Variants in RPS6KC1 observed in about 807,000 individuals in gnomAD.
The protein encoded by RPS6KC1 is ribosomal protein S6 kinase C1, also known as inactive ribosomal protein S6 kinase delta-1.
RPS6KC1 carries 54 observed loss-of-function variants against 103.8 expected under a neutral mutation model. The observed-to-expected ratio is 0.52, with a 90% confidence interval of 0.42 to 0.65. The LOEUF (loss-of-function observed/expected upper bound fraction) is 0.65, where lower values mean the gene tolerates loss of function less well. Among genes scored for constraint, RPS6KC1 ranks in the 30% least tolerant of loss-of-function variants. The pLI is 0.00. For synonymous variants in RPS6KC1, 439 were observed against 438.7 expected (o/e 1.00, Z -0.01); for missense variants, 1,151 against 1,253.8 (o/e 0.92, Z 1.24).
At chr1:213,162,414 G>T (rs2090564103) in intron 6 of RPS6KC1, among the ~76,000 whole-genome samples, 1 of 151,948 alleles carries the variant, frequency 6.6e-6, no homozygotes, top group Non-Finnish European at 1.5e-5. Context: ...CCCAGTAGCT[G>T]GGACTACAGG....
the RPS6KC1 span, among the ~76,000 whole-genome samples, chr1:213,732,998 G>A: frequency 3.3e-5 from 5 of 152,154 alleles, no homozygotes; most frequent in Middle Eastern, 3.4e-3. Context: ...AGGCTAAATA[G>A]TATTCTATTG....
the RPS6KC1 span, among the ~76,000 whole-genome samples, chr1:213,600,622 C>T: frequency 7.8e-4 from 119 of 152,288 alleles, 1 homozygote; most frequent in Middle Eastern, 3.4e-3. Context: ...GGGAGCAAAG[C>T]TGGAGCTCTC....
At chr1:213,093,672 C>G (rs1643359803) in intron 3 of RPS6KC1, among the ~76,000 whole-genome samples, 1 of 152,124 alleles carries the variant, frequency 6.6e-6, no homozygotes, top group Non-Finnish European at 1.5e-5. Flanking sequence ...AGACCCGTAT[C>G]TTCTGTTAAC....
At chr1:213,862,035 G>C in the RPS6KC1 span, among the ~76,000 whole-genome samples, 5 of 152,012 alleles carry the variant, frequency 3.3e-5, no homozygotes, top group African/African-American at 9.7e-5. Flanking sequence ...GCTAGAAAGC[G>C]GGGGGCAGGT....
chr1:213,248,101 CAT>C (rs2094484032), intron 12 of RPS6KC1, among the ~76,000 whole-genome samples: 1 of 151,944 alleles, frequency 6.6e-6, no homozygotes, highest in African/African-American at 2.4e-5. Context: ...TTTCAGCAAA[CAT>C]GAGAAATCTA....
chr1:213,133,971 C>T (rs1417705568), intron 6 of RPS6KC1, among the ~76,000 whole-genome samples: 1 of 151,932 alleles, frequency 6.6e-6, no homozygotes, highest in African/African-American at 2.4e-5. Context: ...TGTCATTTTT[C>T]CTTCTATCCA....
chr1:213,757,134 A>C, the RPS6KC1 span, among the ~76,000 whole-genome samples: 1 of 152,094 alleles, frequency 6.6e-6, no homozygotes, highest in South Asian at 2.1e-4. Flanking sequence ...TAGGCCAATT[A>C]ATTACTCCAC....
At chr1:213,414,477 A>T in the RPS6KC1 span, among the ~76,000 whole-genome samples, 1 of 152,204 alleles carries the variant, frequency 6.6e-6, no homozygotes, top group African/African-American at 2.4e-5. Context: ...TGATGTGAAG[A>T]AGGAGGCAGA....
chr1:213,457,798 T>A, the RPS6KC1 span, among the ~76,000 whole-genome samples: 1 of 152,182 alleles, frequency 6.6e-6, no homozygotes, highest in Non-Finnish European at 1.5e-5. Context: ...TGCAACAGAC[T>A]CTTGACATAC....
chr1:213,748,420 G>T, the RPS6KC1 span, among the ~76,000 whole-genome samples: 1 of 152,320 alleles, frequency 6.6e-6, no homozygotes, highest in African/African-American at 2.4e-5. Flanking sequence ...TACCTTGAAT[G>T]ATTTTGCATT....
the RPS6KC1 span, among the ~76,000 whole-genome samples, chr1:213,303,521 C>T: frequency 1.3e-5 from 2 of 151,976 alleles, no homozygotes; most frequent in Non-Finnish European, 2.9e-5. Context: ...TCTGGTGGTG[C>T]AGGAGCTGTT....
At chr1:213,182,952 GATAT>G (rs902704591) in intron 8 of RPS6KC1, among the ~76,000 whole-genome samples, 10 of 148,810 alleles carry the variant, frequency 6.7e-5, no homozygotes, top group African/African-American at 1.5e-4. Flanking sequence ...TATATATCAT[GATAT>G]ATATATATGT....
the RPS6KC1 span, among the ~76,000 whole-genome samples, chr1:213,493,196 C>T: frequency 6.6e-6 from 1 of 152,128 alleles, no homozygotes; most frequent in Non-Finnish European, 1.5e-5. Flanking sequence ...TGGCAGTTTG[C>T]ACTTAGTTAT....
the RPS6KC1 span, among the ~76,000 whole-genome samples, chr1:213,544,041 A>T: frequency 6.6e-6 from 1 of 152,212 alleles, no homozygotes; most frequent in African/African-American, 2.4e-5. Flanking sequence ...ACACTCAAAG[A>T]GAAGGGCAAG....
chr1:213,822,874 T>C, the RPS6KC1 span, among the ~76,000 whole-genome samples: 1 of 152,344 alleles, frequency 6.6e-6, no homozygotes, highest in African/African-American at 2.4e-5. Flanking sequence ...TTTCTGCTTC[T>C]GCCTCTACCC....
chr1:213,444,400 C>T, the RPS6KC1 span, among the ~76,000 whole-genome samples: 2 of 152,066 alleles, frequency 1.3e-5, no homozygotes, highest in African/African-American at 4.8e-5. Context: ...TAGAGCGGCC[C>T]CAGTTAAGCT....
chr1:213,606,950 C>A, the RPS6KC1 span, among the ~76,000 whole-genome samples: 2 of 152,188 alleles, frequency 1.3e-5, no homozygotes, highest in South Asian at 4.1e-4. Context: ...AGAGTATGAT[C>A]ATCTCCATTT....
chr1:213,242,417 G>A, intron 11 of RPS6KC1, 120 bp downstream of exon 11: 1 of 1,238,752 alleles, frequency 8.1e-7, no homozygotes, highest in Non-Finnish European at 1.2e-6. Context: ...TATCAGTGCA[G>A]CAAATTCACC....
chr1:213,619,056 G>A, the RPS6KC1 span, among the ~76,000 whole-genome samples: 2 of 152,314 alleles, frequency 1.3e-5, no homozygotes, highest in African/African-American at 2.4e-5. Flanking sequence ...CTTGAGTAAA[G>A]ATGGCTTAAA....
Sources: allele counts gnomAD v4.1 joint callset (sites outside exome capture counted in the v4.1 genomes callset), GRCh38; gene constraint gnomAD v4.1.1; transcripts MANE v1.5; gene names NCBI Gene and HGNC (gene_info 2026-07-23, HGNC 2026-07-21).